CAPS2: variants seen among roughly 807,000 people sequenced by gnomAD.
CAPS2 encodes the protein calcyphosin-2.
A neutral mutation model predicts 86.5 loss-of-function variants in CAPS2; 98 were observed. That is an observed-to-expected ratio of 1.13 (90% CI 0.96 to 1.34). The LOEUF (loss-of-function observed/expected upper bound fraction) is 1.34. Among genes scored for constraint, CAPS2 ranks in the 40% most tolerant of loss-of-function variants. The pLI is 0.00. For missense variants in CAPS2, 729 were observed against 686.8 expected, an observed-to-expected ratio of 1.06 and a Z score of -0.69; for synonymous variants, 210 against 225.1, an observed-to-expected ratio of 0.93 and a Z score of 0.60.
chr12:75,354,415 C>A (rs191154760), intron 1 of CAPS2, among the ~76,000 whole-genome samples: 1 of 151,716 alleles, frequency 6.6e-6, no homozygotes, highest in Admixed American at 6.6e-5. Context: ...CCTAGGAATA[C>A]AGCTAAAAAA....
intron 1 of CAPS2, among the ~76,000 whole-genome samples, chr12:75,340,779 G>A (rs563482819): frequency 4.6e-5 from 7 of 150,716 alleles, no homozygotes; most frequent in African/African-American, 1.7e-4. Flanking sequence ...ACAGAAGACT[G>A]ACATTTAGCC....
chr12:75,319,943 CAAGT>C (rs1011576231), intron 5 of CAPS2, among the ~76,000 whole-genome samples: 196 of 152,164 alleles, frequency 1.3e-3, no homozygotes, highest in African/African-American at 4.2e-3. Flanking sequence ...GAAAAGATAT[CAAGT>C]AAGTTCCTCA....
Position 75,339,867 on chromosome 12 carries a change from C to T in CAPS2, c.-394-16645G>A, listed in dbSNP as rs368063375. Among the ~76,000 whole-genome samples, 8 of 151,876 alleles carry T rather than the reference C, an allele frequency of 5.3e-5. No individual in the cohort carries two copies. In the East Asian group the frequency reaches 1.4e-3, roughly 26 times the overall value. ...GGTGATTTCTGAGATTTTGGTGCACCCATCGCCCAAGCAGTGCCCAATGTG... is the reference window on the plus strand; with the variant it reads ...GGTGATTTCTGAGATTTTGGTGCACTCATCGCCCAAGCAGTGCCCAATGTG... On this transcript the variant is annotated intron_variant, in intron 1 of 5. Transcript: ENST00000551829.
At chr12:75,316,953 C>A (rs1281725879) in intron 5 of CAPS2, among the ~76,000 whole-genome samples, 1 of 151,826 alleles carries the variant, frequency 6.6e-6, no homozygotes, top group East Asian at 1.9e-4. Context: ...TTTACGCTAC[C>A]CCAGCAAAAC....
intron 1 of CAPS2, among the ~76,000 whole-genome samples, chr12:75,341,745 CTCTT>C (rs2042129780): frequency 7.1e-6 from 1 of 141,080 alleles, no homozygotes; most frequent in African/African-American, 2.7e-5. Flanking sequence ...CGCGCCCGGC[CTCTT>C]TTTTTTTTTT....
intron 8 of CAPS2, among the ~76,000 whole-genome samples, chr12:75,300,428 C>T (rs1426263235): frequency 6.6e-6 from 1 of 151,670 alleles, no homozygotes; most frequent in Non-Finnish European, 1.5e-5. Context: ...TGGTGGTGGG[C>T]GCCCGTAGTC....
chr12:75,335,200 T>G (rs1013478965), intron 1 of CAPS2, among the ~76,000 whole-genome samples: 6 of 152,132 alleles, frequency 3.9e-5, no homozygotes, highest in African/African-American at 1.4e-4. Flanking sequence ...AGGATTATTT[T>G]GTTTTCTTTC....
chr12:75,278,119 C>T lies in CAPS2; in HGVS notation c.*771G>A, dbSNP rs1435321835. On this transcript the variant is annotated 3_prime_UTR_variant, in exon 17 of 17. Coordinates refer to ENST00000393284, the Ensembl canonical transcript of CAPS2. The stretch of plus-strand genomic sequence containing the variant: ...ATTGATTTTAATAAAGAACATTTCC[C>T]TTTCATATTGCTCAATAACAATCGT... 9.8e-6 allele frequency: 9 copies of T among 919,248 alleles called. 1 individual carries two copies. The highest frequency in any genetic ancestry group is 1.2e-5 in the Non-Finnish European group (9 of 770,090). The allele number at this position is 919,248 out of a possible 1,614,324, so 56.9% of individuals were successfully genotyped here.
At chr12:75,334,870 G>A (rs1300342155), upstream of CAPS2, 2 of 1,614,010 alleles carry the variant, frequency 1.2e-6, no homozygotes, top group African/African-American at 2.7e-5. Context: ...GCGTGGCAAA[G>A]TCAACCCTCC....
intron 14 of CAPS2, among the ~76,000 whole-genome samples, chr12:75,287,740 T>C (rs2035151347): frequency 6.6e-6 from 1 of 152,170 alleles, no homozygotes; most frequent in South Asian, 2.1e-4. Flanking sequence ...AGTAAACCAG[T>C]AAATATAAGT....
At chr12:75,365,384 A>C (rs2043897039) in intron 1 of CAPS2, 1 of 152,220 alleles carries the variant, frequency 6.6e-6, no homozygotes, top group South Asian at 2.1e-4. Context: ...AAACTATTCC[A>C]CTAGGGCACT....
chr12:75,371,358 GTT>G (rs2044346382), intron 1 of CAPS2: 1 of 193,080 alleles, frequency 5.2e-6, no homozygotes, highest in African/African-American at 2.4e-5. Flanking sequence ...CTCCTGCCTG[GTT>G]TATTCTAGCT....
chr12:75,351,560 T>G (rs2042816280), intron 1 of CAPS2, among the ~76,000 whole-genome samples: 1 of 151,784 alleles, frequency 6.6e-6, no homozygotes, highest in African/African-American at 2.4e-5. Context: ...GTTTTTTTTT[T>G]TTTTGAGATG....
intron 1 of CAPS2, chr12:75,343,858 AT>A: frequency 6.2e-7 from 1 of 1,612,072 alleles, no homozygotes; most frequent in Non-Finnish European, 8.5e-7. Context: ...AAGACATGCC[AT>A]TACGGCTTGG....
intron 1 of CAPS2, among the ~76,000 whole-genome samples, chr12:75,348,970 A>G (rs919838228): frequency 6.6e-6 from 1 of 152,210 alleles, no homozygotes; most frequent in Admixed American, 6.5e-5. Context: ...ACTAAGACAG[A>G]GGTTGGCTGG....
chr12:75,387,414 G>T (rs1352800170), intron 1 of CAPS2, among the ~76,000 whole-genome samples: 1 of 152,160 alleles, frequency 6.6e-6, no homozygotes, highest in East Asian at 1.9e-4. Context: ...ACCAAATGCT[G>T]ACAAGGATGT....
At chr12:75,337,308 G>T (rs992839511) in intron 1 of CAPS2, among the ~76,000 whole-genome samples, 1 of 151,644 alleles carries the variant, frequency 6.6e-6, no homozygotes, top group African/African-American at 2.4e-5. Flanking sequence ...AATATCAAAA[G>T]TTGGTTTAAA....
chr12:75,338,180 G>A (rs914266980), intron 1 of CAPS2, among the ~76,000 whole-genome samples: 1 of 152,032 alleles, frequency 6.6e-6, no homozygotes, highest in East Asian at 1.9e-4. Context: ...GCTCAATATA[G>A]ATGCAAAAAA....
exon 17 of CAPS2, chr12:75,278,315 T>C: frequency 1.0e-6 from 1 of 984,142 alleles, no homozygotes; most frequent in Non-Finnish European, 1.2e-6. Context: ...ACCTCCATCA[T>C]TTGAAATATT....
Sources: gnomAD v4.1 joint callset for allele counts (sites outside exome capture counted in the v4.1 genomes callset) on GRCh38, gnomAD v4.1.1 for gene constraint, MANE v1.5 for transcripts, NCBI Gene and HGNC (gene_info 2026-07-23, HGNC 2026-07-21) for gene names.